RNF217: variants seen among roughly 807,000 people sequenced by gnomAD.
RNF217 encodes E3 ubiquitin-protein ligase RNF217.
RNF217 carries 31 observed loss-of-function variants against 57.8 expected under a neutral mutation model. That is an observed-to-expected ratio of 0.54 (90% CI 0.40 to 0.72). RNF217 has a LOEUF of 0.72. Among genes scored for constraint, RNF217 ranks in the 30% least tolerant of loss-of-function variants. The pLI is 0.00. For missense variants in RNF217, 696 were observed against 708.3 expected, an observed-to-expected ratio of 0.98 and a Z score of 0.20; for synonymous variants, 313 against 294.0, an observed-to-expected ratio of 1.06 and a Z score of -0.66.
chr6:125,008,097 A>G (rs1006852920), intron 1 of RNF217, among the ~76,000 whole-genome samples: 1 of 152,018 alleles, frequency 6.6e-6, no homozygotes, highest in Non-Finnish European at 1.5e-5. Flanking sequence ...TCTACTAAAA[A>G]TACAAAAAAT....
intron 1 of RNF217, among the ~76,000 whole-genome samples, chr6:125,015,601 A>G (rs1195308484): frequency 1.3e-5 from 2 of 151,926 alleles, no homozygotes; most frequent in African/African-American, 4.8e-5. Flanking sequence ...TATGATCACT[A>G]TTTTACTTAC....
intron 1 of RNF217, among the ~76,000 whole-genome samples, chr6:124,998,632 TA>T (rs1203322882): frequency 6.6e-6 from 1 of 152,036 alleles, no homozygotes; most frequent in Non-Finnish European, 1.5e-5. Context: ...ACCCCATCTC[TA>T]ACTAAAAATA....
At chr6:125,033,325 C>G (rs543536795) in intron 1 of RNF217, among the ~76,000 whole-genome samples, 1 of 138,668 alleles carries the variant, frequency 7.2e-6, no homozygotes, top group Non-Finnish European at 1.6e-5. Flanking sequence ...GGTATATCTC[C>G]TAATGCTATC....
chr6:125,064,940 A>G (rs1276286297), intron 3 of RNF217, among the ~76,000 whole-genome samples: 1 of 152,064 alleles, frequency 6.6e-6, no homozygotes, highest in Admixed American at 6.6e-5. Context: ...GCTTCTGAAT[A>G]TAACCAATCT....
rs981193493 is a variant in RNF217 at position 124,962,443 on chromosome 6, G to A, written c.-102G>A. The A allele has an allele frequency of 5.1e-5, 20 of 394,602 alleles. No homozygotes were observed. The highest frequency in any genetic ancestry group is 9.1e-4 in the Middle Eastern group (1 of 1,096). The allele number at this position is 394,602 out of a possible 1,614,324, so 24.4% of individuals were successfully genotyped here. The stretch of plus-strand genomic sequence containing the variant: ...GGAGGAAGGACCCGGAAGCAGAAGC[G>A]GAGCCGCGAGTCGAGCCGAGCCACT... On this transcript the variant is annotated 5_prime_UTR_variant, in exon 1 of 6. Transcript: ENST00000521654. This position sits in a 1 kb window ranked among gnomAD's most constrained non-coding sequence, Gnocchi z 4.6.
At chr6:125,071,484 ATGTGTGTGTGTGTGTGTGTGTG>A (rs61496685) in intron 3 of RNF217, among the ~76,000 whole-genome samples, 10 of 136,840 alleles carry the variant, frequency 7.3e-5, no homozygotes, top group East Asian at 4.6e-4. Context: ...CTGCCTACAT[ATGTGTGTGTGTGTGTGTGTGTG>A]TGTGTGTGTG....
At chr6:125,020,596 G>A (rs1785799067) in intron 1 of RNF217, among the ~76,000 whole-genome samples, 1 of 151,698 alleles carries the variant, frequency 6.6e-6, no homozygotes, top group Non-Finnish European at 1.5e-5. Context: ...GCTTTCTGAT[G>A]TTAATTACTG....
intron 1 of RNF217, among the ~76,000 whole-genome samples, chr6:124,993,691 A>G (rs1406654121): frequency 6.6e-6 from 1 of 152,234 alleles, no homozygotes; most frequent in Non-Finnish European, 1.5e-5. Context: ...TGGGCGGCAC[A>G]TAGGAAGGCC....
chr6:124,999,804 G>A (rs1003790571), intron 1 of RNF217, among the ~76,000 whole-genome samples: 2 of 152,060 alleles, frequency 1.3e-5, no homozygotes, highest in African/African-American at 4.8e-5. Context: ...AAAAAATCCA[G>A]TTGTACTTTT....
chr6:125,011,431 G>A lies in RNF217; in HGVS notation c.883-33780G>A, dbSNP rs1284442448. Among the ~76,000 whole-genome samples the A allele has an allele frequency of 8.5e-5, 13 of 152,302 alleles. No individual in the cohort carries two copies. The South Asian group carries it at 1.7e-3, about 19-fold the overall frequency. ...GGATAGACAATCACTTATTGGGCCA[G>A]ATACGTGTTCAATTGGGTTTTAGAC... On this transcript the variant is annotated intron_variant, in intron 1 of 5. Transcript: ENST00000521654.
chr6:124,982,139 T>A (rs1465719129), intron 1 of RNF217, among the ~76,000 whole-genome samples: 1 of 152,036 alleles, frequency 6.6e-6, no homozygotes, highest in East Asian at 1.9e-4. Flanking sequence ...CTATCTTATT[T>A]AGGAATAAAA....
chr6:124,967,985 G>T (rs1783613107), intron 1 of RNF217, among the ~76,000 whole-genome samples: 1 of 151,980 alleles, frequency 6.6e-6, no homozygotes, highest in Admixed American at 6.5e-5. Flanking sequence ...TCACCATGTT[G>T]GCCAGGCTGG....
At chr6:125,045,494 G>A (rs1284735757) in intron 2 of RNF217, 50 bp downstream of exon 2, 2 of 1,414,218 alleles carry the variant, frequency 1.4e-6, no homozygotes, top group Admixed American at 1.8e-5. Flanking sequence ...GGCAGAAGCA[G>A]CCAGATTAGA....
rs1788904175 is a variant in RNF217 at position 125,090,459 on chromosome 6, C to T, written c.*7522C>T. 1 of 151,744 alleles carries T rather than the reference C, an allele frequency of 6.6e-6. No homozygotes were observed. Among genetic ancestry groups the T allele is most frequent in the African/African-American group, 2.4e-5 (1 of 41,414 alleles). The allele number at this position is 151,744 out of a possible 1,614,324, so 9.4% of individuals were successfully genotyped here. A position where few individuals can be genotyped will look rare whatever the true frequency, so the allele number is the denominator to read the frequency against. On this transcript the variant is annotated 3_prime_UTR_variant, in exon 6 of 6. Coordinates refer to ENST00000521654, the MANE Select transcript of RNF217 (RefSeq NM_001286398.3). ...ATTTCAAAACTGTGGGACAATTATT[C>T]ATTCTTTTCCCAAATAGAGTAAAAT... is the stretch of plus-strand genomic sequence containing the variant.
intron 1 of RNF217, among the ~76,000 whole-genome samples, chr6:125,004,789 A>G (rs150258183): frequency 7.2e-5 from 11 of 152,366 alleles, no homozygotes; most frequent in Middle Eastern, 3.4e-3. Context: ...ACTACTTTAT[A>G]TTAATAATTA....
At chr6:124,991,836 C>G (rs1784573168) in intron 1 of RNF217, among the ~76,000 whole-genome samples, 1 of 152,148 alleles carries the variant, frequency 6.6e-6, no homozygotes, top group Non-Finnish European at 1.5e-5. Flanking sequence ...GTCCTAGTAG[C>G]AACTTTTAAG....
At chr6:125,063,477 CTTTG>C (rs764954459) in intron 3 of RNF217, among the ~76,000 whole-genome samples, 5 of 152,270 alleles carry the variant, frequency 3.3e-5, no homozygotes, top group Admixed American at 6.5e-5. Context: ...GTCCGGTGCT[CTTTG>C]TTTGTGGTGT....
intron 1 of RNF217, among the ~76,000 whole-genome samples, chr6:125,030,356 AT>A (rs1786301782): frequency 6.6e-6 from 1 of 152,108 alleles, no homozygotes; most frequent in South Asian, 2.1e-4. Flanking sequence ...GTCTTAACTC[AT>A]TTCAGCATTA....
chr6:125,035,035 G>A (rs1786544342), intron 1 of RNF217, among the ~76,000 whole-genome samples: 1 of 151,656 alleles, frequency 6.6e-6, no homozygotes, highest in African/African-American at 2.4e-5. Flanking sequence ...TGTGATTTTT[G>A]TACATTGATT....
Sources: gnomAD v4.1 joint callset for allele counts (sites outside exome capture counted in the v4.1 genomes callset) on GRCh38, gnomAD v4.1.1 for gene constraint, Gnocchi (gnomAD v3.1) non-coding constraint, MANE v1.5 for transcripts, NCBI Gene and HGNC (gene_info 2026-07-23, HGNC 2026-07-21) for gene names.